NAA50: variants seen among roughly 807,000 people sequenced by gnomAD.
NAA50 encodes N-alpha-acetyltransferase 50, NatE catalytic subunit.
NAA50 carries 7 observed loss-of-function variants against 20.7 expected under a neutral mutation model. The ratio of observed to expected loss-of-function variants is 0.34; its 90% confidence interval spans 0.19 to 0.63. NAA50 has a LOEUF of 0.63. Ranked by LOEUF, NAA50 falls within the 30% of genes least tolerant of loss-of-function variation. The pLI is 0.75. For missense variants in NAA50, 111 were observed against 199.1 expected (o/e 0.56, Z 2.66); for synonymous variants, 54 against 70.6 (o/e 0.77, Z 1.18).
intron 1 of NAA50, among the ~76,000 whole-genome samples, chr3:113,738,721 ATAGT>A (rs1216335770): frequency 4.6e-5 from 7 of 152,238 alleles, no homozygotes; most frequent in African/African-American, 7.2e-5. Context: ...TTTTTGCATT[ATAGT>A]AAGTTTCCTT....
chr3:113,740,016 A>G (rs183143047), intron 1 of NAA50, among the ~76,000 whole-genome samples: 43 of 152,330 alleles, frequency 2.8e-4, no homozygotes, highest in Admixed American at 1.3e-3. Flanking sequence ...TACCTTAAAA[A>G]CTTTTTCATT....
chr3:113,733,995 A>G (rs1708306191), intron 1 of NAA50, among the ~76,000 whole-genome samples: 1 of 152,148 alleles, frequency 6.6e-6, no homozygotes, highest in African/African-American at 2.4e-5. Context: ...AGTATAGGTC[A>G]AACAAAGATG....
chr3:113,723,190 G>A (rs1012948529), intron 3 of NAA50, among the ~76,000 whole-genome samples: 2 of 152,062 alleles, frequency 1.3e-5, no homozygotes, highest in East Asian at 1.9e-4. Flanking sequence ...AAGCACTTCC[G>A]GGTAGAAGAA....
chr3:113,727,390 G>C (rs1049906028), intron 1 of NAA50, among the ~76,000 whole-genome samples: 1 of 152,104 alleles, frequency 6.6e-6, no homozygotes, highest in Non-Finnish European at 1.5e-5. Flanking sequence ...TCATTTGTAG[G>C]TAGTAACTAG....
rs1214091872 is a variant in NAA50, at chr3:113,721,678, AGTGTT to A, written c.*77_*81del. 1 of 1,413,574 alleles carries A rather than the reference AGTGTT, an allele frequency of 7.1e-7. No homozygotes were observed. The highest frequency in any genetic ancestry group is 9.8e-7 in the Non-Finnish European group (1 of 1,017,748). 87.6% of individuals were successfully genotyped at this position (1,413,574 alleles called of 1,614,324 possible). On this transcript the variant is annotated 3_prime_UTR_variant, in exon 5 of 5. Transcript: ENST00000240922. ...GGAGGGAGAAAAGCTTTAAAAGAAA[AGTGTT>A]GGGGTGGGGGAGGAATCAATGGGCC...
At chr3:113,742,676 T>C (rs1306282367) in intron 1 of NAA50, among the ~76,000 whole-genome samples, 3 of 152,170 alleles carry the variant, frequency 2.0e-5, no homozygotes, top group Non-Finnish European at 4.4e-5. Flanking sequence ...GACTGCAGAA[T>C]CTTACATTTT....
chr3:113,734,856 AGT>A (rs1260086443), intron 1 of NAA50, among the ~76,000 whole-genome samples: 1 of 152,198 alleles, frequency 6.6e-6, no homozygotes, highest in African/African-American at 2.4e-5. Flanking sequence ...CATCAAAACT[AGT>A]GTCAAACGCT....
chr3:113,722,822 T>C, intron 4 of NAA50, 84 bp downstream of exon 4: 1 of 1,412,094 alleles, frequency 7.1e-7, no homozygotes, highest in Non-Finnish European at 9.5e-7. Context: ...GCACAATAAG[T>C]GACCAGATTT....
rs1473263198 is a variant in NAA50 at position 113,717,248 on chromosome 3, T to C, written c.*4512A>G. The stretch of plus-strand genomic sequence containing the variant: ...GCTACTTGGGAGGCTCAGGCAGAAT[T>C]GCTTGAATCTGGGAGGCGGAGTTTG... On this transcript the variant is annotated 3_prime_UTR_variant, in exon 5 of 5. Coordinates refer to ENST00000240922, the MANE Select transcript of NAA50 (RefSeq NM_025146.4). 6.6e-6 allele frequency: 1 copy of C among 152,214 alleles called. No homozygotes were observed. The highest frequency in any genetic ancestry group is 2.4e-5 in the African/African-American group (1 of 41,418). The allele number at this position is 152,214 out of a possible 1,614,324, so 9.4% of individuals were successfully genotyped here.
rs1357366013 is a variant in NAA50, at chr3:113,721,707, CCTCT to C, written c.*49_*52del. On this transcript the variant is annotated 3_prime_UTR_variant, in exon 5 of 5. Transcript: ENST00000240922. ...TTGGGGTGGGGGAGGAATCAATGGGCCTCTCTTTTATTTGGCGACAAGCAAGTGC... is the reference window on the plus strand; with the variant it reads ...TTGGGGTGGGGGAGGAATCAATGGGCCTTTTATTTGGCGACAAGCAAGTGC... The C allele has an allele frequency of 1.9e-6, 3 of 1,590,914 alleles. No individual in the cohort carries two copies. Among genetic ancestry groups the C allele is most frequent in the Admixed American group, 3.4e-5 (2 of 59,126 alleles).
At chr3:113,733,812 T>G (rs1708302280) in intron 1 of NAA50, among the ~76,000 whole-genome samples, 1 of 129,862 alleles carries the variant, frequency 7.7e-6, no homozygotes, top group Non-Finnish European at 1.5e-5. Context: ...GAGATCACGA[T>G]GCTGCACTCC....
chr3:113,722,376 C>T (rs1304568430), intron 4 of NAA50, among the ~76,000 whole-genome samples: 1 of 152,086 alleles, frequency 6.6e-6, no homozygotes, highest in African/African-American at 2.4e-5. Context: ...CTCAATTACT[C>T]CCAAAATAAC....
intron 1 of NAA50, 61 bp from the exon 2 acceptor site, chr3:113,724,156 T>C: frequency 7.3e-7 from 1 of 1,376,754 alleles, no homozygotes; most frequent in Non-Finnish European, 9.5e-7. Context: ...AATATGAACA[T>C]ATGAAAGGGG....
rs889370760 is a variant in NAA50 at position 113,732,895 on chromosome 3, T to A, written c.9-8800A>T. On this transcript the variant is annotated intron_variant, in intron 1 of 4. Coordinates refer to ENST00000240922, the MANE Select transcript of NAA50 (RefSeq NM_025146.4). ...ATCAGTAATGTATCAGGGTTCCAGT[T>A]TCTCTATACCTTTTATTGCCTTTCT... 8.5e-5 allele frequency among the ~76,000 whole-genome samples: 13 copies of A among 152,308 alleles called. No individual in the cohort carries two copies. The East Asian group carries it at 2.1e-3, about 25-fold the overall frequency.
Position 113,724,097 on chromosome 3 carries a change from T to G in NAA50, c.9-2A>C. 1.3e-6 allele frequency: 2 copies of G among 1,568,482 alleles called. No homozygotes were observed. Among genetic ancestry groups the G allele is most frequent in the Non-Finnish European group, 1.7e-6 (2 of 1,156,440 alleles). ...ACATCTCCCAGCTCGATCCGGCTAC[T>G]GGAACAAATCAAAATGTACTCAATA... On this transcript the variant is annotated splice_acceptor_variant, in intron 1 of 4. Coordinates refer to ENST00000240922, the MANE Select transcript of NAA50 (RefSeq NM_025146.4). LOFTEE classifies it high-confidence loss of function.
chr3:113,731,450 A>G (rs946149472), intron 1 of NAA50, among the ~76,000 whole-genome samples: 2 of 152,070 alleles, frequency 1.3e-5, no homozygotes, highest in Non-Finnish European at 2.9e-5. Context: ...AATCCCCCTC[A>G]TTTCTTTCTC....
intron 1 of NAA50, among the ~76,000 whole-genome samples, chr3:113,726,486 T>TA (rs67748316): frequency 1.7e-3 from 239 of 141,668 alleles, no homozygotes; most frequent in African/African-American, 2.9e-3. Context: ...ACCATTCACA[T>TA]AAAAAAAAAA....
In NAA50 at chr3:113,723,949, T is replaced by C. The variant is rs1021073832; in HGVS notation, c.145+10A>G. 7.1e-6 allele frequency: 11 copies of C among 1,540,640 alleles called. No individual in the cohort carries two copies. The highest frequency in any genetic ancestry group is 2.3e-5 in the East Asian group (1 of 43,612). On this transcript the variant is annotated intron_variant, in intron 2 of 4. Transcript: ENST00000240922. Reference sequence around the variant, plus strand: ...AAAGAAGGGAGGACAAAAAAAAAACTATATTATACCAAGTTTTGCTAGCTC... The same window carrying C: ...AAAGAAGGGAGGACAAAAAAAAAACCATATTATACCAAGTTTTGCTAGCTC...
intron 1 of NAA50, among the ~76,000 whole-genome samples, chr3:113,725,654 T>C (rs572101148): frequency 6.6e-6 from 1 of 152,170 alleles, no homozygotes; most frequent in African/African-American, 2.4e-5. Context: ...TGGTCCCAGC[T>C]ACTTAGAAGG....
Sources: gnomAD v4.1 joint callset for allele counts (sites outside exome capture counted in the v4.1 genomes callset) on GRCh38, gnomAD v4.1.1 for gene constraint, MANE v1.5 for transcripts, NCBI Gene and HGNC (gene_info 2026-07-23, HGNC 2026-07-21) for gene names.